The following ARMC5 variants were observed in gnomAD, a reference collection of about 807,000 sequenced individuals.
ARMC5 encodes the protein armadillo repeat-containing protein 5.
A neutral mutation model predicts 60.5 loss-of-function variants in ARMC5; 28 were observed. That is an observed-to-expected ratio of 0.46 (90% CI 0.34 to 0.63). The LOEUF (loss-of-function observed/expected upper bound fraction) is 0.63. Ranked by LOEUF, ARMC5 falls within the 30% of genes least tolerant of loss-of-function variation. The pLI is 0.01. For missense variants in ARMC5, 1,189 were observed against 1,304.9 expected, an observed-to-expected ratio of 0.91 and a Z score of 1.37; for synonymous variants, 680 against 607.3, an observed-to-expected ratio of 1.12 and a Z score of -1.76.
intron 1 of ARMC5, 35 bp downstream of exon 1, chr16:31,460,034 G>A (rs1255373117): frequency 6.3e-7 from 1 of 1,590,514 alleles, no homozygotes; most frequent in African/African-American, 1.3e-5. Context: ...AGAAAGATTA[G>A]GTTTGCAACT....
rs373384698 is a variant in ARMC5 at position 31,466,224 on chromosome 16, A to C, written c.2143A>C (p.Thr715Pro). The change falls in exon 6 of 6, where the codon ACT (threonine) becomes CCT (proline). Residue 715 changes from threonine to proline, a missense_variant. Coordinates refer to ENST00000268314, the MANE Select transcript of ARMC5 (RefSeq NM_001105247.2). The surrounding 1 kb of genome is among the most constrained non-coding windows in gnomAD (Gnocchi z 8.0). ...CTGCCTCCAAGACCTGGTGTCTCCC[A>C]CTGTGAGCCCAGCTGTCCCACAGGC... ...LSCLQDLVSP[T>P]VSPAVPQAVP... The C allele has an allele frequency of 4.1e-5, 66 of 1,612,982 alleles. No homozygotes were observed. Among genetic ancestry groups the C allele is most frequent in the Non-Finnish European group, 5.6e-5 (66 of 1,179,712 alleles).
Position 31,459,579 on chromosome 16 carries a change from C to G in ARMC5, c.55C>G (p.Leu19Val). 6.2e-7 allele frequency: 1 copy of G among 1,604,210 alleles called. No homozygotes were observed. The highest frequency in any genetic ancestry group is 1.1e-5 in the South Asian group (1 of 90,676). The part of the protein sequence containing the change: ...TDSLSFCLAQ[L>V]AAAAGEALGG... ...CTCGCTCTCGTTCTGCCTCGCGCAG[C>G]TCGCGGCGGCGGCCGGGGAGGCTCT... The change falls in exon 1 of 6, where the codon CTC becomes GTC. Residue 19 changes from leucine to valine, a missense_variant. By Grantham distance (32) the Leu-to-Val change is conservative. Transcript: ENST00000268314.
rs768328082 is a variant in ARMC5, at chr16:31,465,889, C to T, written c.1904C>T (p.Ser635Leu). Residue 635 changes from serine (S) to leucine (L), a missense_variant, in exon 5 of 6, where the codon TCG becomes TTG. Physicochemically the swap from Ser to Leu is moderately radical, Grantham distance 145. Coordinates refer to ENST00000268314, the MANE Select transcript of ARMC5 (RefSeq NM_001105247.2). ...CAGAACCTGACGGTTCAGGCTGAGT[C>T]GCCCTTTGGGGTTGGGGCCCTGACG... Reference protein sequence around the residue: ...LLQNLTVQAESPFGVGALTHL... With the variant: ...LLQNLTVQAELPFGVGALTHL... 8 of 1,609,566 alleles carry T rather than the reference C, an allele frequency of 5.0e-6. No individual in the cohort carries two copies. The highest frequency in any genetic ancestry group is 5.9e-6 in the Non-Finnish European group (7 of 1,179,846).
chr16:31,458,605 G>A, upstream of ARMC5: 1 of 1,454,936 alleles, frequency 6.9e-7, no homozygotes, highest in Non-Finnish European at 9.2e-7. Context: ...GGGGCTTGTA[G>A]ACGGTTGCTC....
At position 31,459,565 on chromosome 16, in the gene ARMC5, T is replaced by A. The variant is rs151069962; in HGVS notation, c.41T>A (p.Phe14Tyr). ...AKPTLTDSLS[F>Y]CLAQLAAAAG... Reference sequence around the variant, plus strand: ...CCAACCCTCACGGACTCGCTCTCGTTCTGCCTCGCGCAGCTCGCGGCGGCG... The same window carrying A: ...CCAACCCTCACGGACTCGCTCTCGTACTGCCTCGCGCAGCTCGCGGCGGCG... Residue 14 changes from phenylalanine (F) to tyrosine (Y), a missense_variant, in exon 1 of 6, where the codon TTC (phenylalanine) becomes TAC (tyrosine). Phe to Tyr is a conservative substitution (Grantham distance 22, BLOSUM62 3). This residue lies in a region of ARMC5 where 327 missense variants were observed against 233.7 expected (regional missense o/e 1.40). Coordinates refer to ENST00000268314, the MANE Select transcript of ARMC5 (RefSeq NM_001105247.2). 92,682 of 1,605,590 alleles carry A rather than the reference T, an allele frequency of 0.058. 2,984 individuals carry two copies. The highest frequency in any genetic ancestry group is 0.065 in the Non-Finnish European group (76,422 of 1,179,312).
Position 31,465,521 on chromosome 16 carries a change from T to TATA in ARMC5, c.1865-327_1865-326insAAT, listed in dbSNP as rs574579447. 7.0e-3 allele frequency: 5,998 copies of TATA among 851,732 alleles called. 303 individuals carry two copies. In the African/African-American group the frequency reaches 0.097, roughly 14 times the overall value. 52.8% of individuals were successfully genotyped at this position (851,732 alleles called of 1,614,324 possible). On this transcript the variant is annotated intron_variant, in intron 4 of 5. Coordinates refer to ENST00000268314, the MANE Select transcript of ARMC5 (RefSeq NM_001105247.2). The stretch of plus-strand genomic sequence containing the variant: ...AAACTAATGATTAATGATATTCATA[T>TATA]ATCTCTAAGATCTATATCTGGTATA...
In ARMC5 at chr16:31,466,016, G is replaced by A. The variant is rs1373709213; in HGVS notation, c.1997+34G>A. ...GAAGTGGGTGCCTTGCGGGGTTGGGGGAGGAGTGCTGTGTTTCCCAGGCCC... is the reference window on the plus strand; with the variant it reads ...GAAGTGGGTGCCTTGCGGGGTTGGGAGAGGAGTGCTGTGTTTCCCAGGCCC... On this transcript the variant is annotated intron_variant, in intron 5 of 5. Coordinates refer to ENST00000268314, the MANE Select transcript of ARMC5 (RefSeq NM_001105247.2). This position sits in a 1 kb window ranked among gnomAD's most constrained non-coding sequence, Gnocchi z 8.0. 3.1e-6 allele frequency: 5 copies of A among 1,596,430 alleles called. No individual in the cohort carries two copies. The highest frequency in any genetic ancestry group is 3.4e-6 in the Non-Finnish European group (4 of 1,176,902).
chr16:31,466,305 C>G lies in ARMC5; in HGVS notation c.2224C>G (p.Pro742Ala). 7 of 1,613,850 alleles carry G rather than the reference C, an allele frequency of 4.3e-6. No homozygotes were observed. The highest frequency in any genetic ancestry group is 5.1e-6 in the Non-Finnish European group (6 of 1,179,882). ...TTGCCTCTATGAACCTCTGCTGGGC[C>G]CAGCCCCTGTCCCAGCTCCCGACCT... ...SPCLYEPLLG[P>A]APVPAPDLHF... is the part of the protein sequence containing the mutation. Residue 742 changes from proline to alanine, a missense_variant, in exon 6 of 6, where the codon CCA becomes GCA. By Grantham distance (27) the Pro-to-Ala change is conservative (BLOSUM62 -1). Coordinates refer to ENST00000268314, the MANE Select transcript of ARMC5 (RefSeq NM_001105247.2). This position sits in a 1 kb window ranked among gnomAD's most constrained non-coding sequence, Gnocchi z 8.0.
chr16:31,458,353 G>A (rs745852187), upstream of ARMC5: 3 of 1,513,124 alleles, frequency 2.0e-6, no homozygotes, highest in African/African-American at 2.8e-5. Flanking sequence ...TGGAGCTGAC[G>A]CTGAAAGTCT....
At position 31,462,741 on chromosome 16, in the gene ARMC5, G is replaced by A. The variant is rs757064843; in HGVS notation, c.1194G>A (p.Leu398=). 2.5e-6 allele frequency: 4 copies of A among 1,613,812 alleles called. No homozygotes were observed. The highest frequency in any genetic ancestry group is 2.7e-5 in the African/African-American group (2 of 75,058). ...PRIVAALVGF[L]YDTGALGRLQ... ...TTGTGGCTGCCCTTGTGGGGTTTCT[G>A]TATGACACTGGGGCCCTGGGCCGGC... The change falls in exon 3 of 6, where the codon CTG becomes CTA. Residue 398 remains leucine, a synonymous_variant. Transcript: ENST00000268314. The surrounding 1 kb of genome is among the most constrained non-coding windows in gnomAD (Gnocchi z 7.2).
In ARMC5 at chr16:31,466,538, C is replaced by T. The variant is rs367810854; in HGVS notation, c.2457C>T (p.Pro819=). The T allele has an allele frequency of 2.9e-3, 4,697 of 1,607,990 alleles. 160 individuals carry two copies. The South Asian group carries it at 0.048, about 16-fold the overall frequency. The change falls in exon 6 of 6, where the codon CCC becomes CCT. Residue 819 remains proline (P), a synonymous_variant. Coordinates refer to ENST00000268314, the MANE Select transcript of ARMC5 (RefSeq NM_001105247.2). The surrounding 1 kb of genome is among the most constrained non-coding windows in gnomAD (Gnocchi z 8.0). ...GCRGCGAALG[P]VPPPGQPLLG... is the part of the protein sequence containing the mutation. ...GGGGGTGTGGGGCTGCCCTGGGGCC[C>T]GTGCCCCCACCAGGCCAGCCCCTGC... is the stretch of plus-strand genomic sequence containing the variant.
chr16:31,460,116 C>A lies in ARMC5; in HGVS notation c.475+117C>A, dbSNP rs2082291707. 2.7e-6 allele frequency: 3 copies of A among 1,119,054 alleles called. No homozygotes were observed. The East Asian group carries it at 7.5e-5, about 28-fold the overall frequency. 69.3% of individuals were successfully genotyped at this position (1,119,054 alleles called of 1,614,324 possible). On this transcript the variant is annotated intron_variant, in intron 1 of 5. Transcript: ENST00000268314. Reference sequence around the variant, plus strand: ...CCCGGAATAACGTGCTTTGTGATGGCGCATCGCTCCTGTTTCTCAATCTGT... The same window carrying A: ...CCCGGAATAACGTGCTTTGTGATGGAGCATCGCTCCTGTTTCTCAATCTGT...
chr16:31,458,650 C>T (rs1399551445), upstream of ARMC5: 5 of 1,435,956 alleles, frequency 3.5e-6, no homozygotes, highest in East Asian at 2.5e-5. Context: ...GGGCTAGAGC[C>T]TGACCATTTT....
At position 31,466,466 on chromosome 16, in the gene ARMC5, G is replaced by A. The variant is rs749992373; in HGVS notation, c.2385G>A (p.Leu795=). 6.2e-7 allele frequency: 1 copy of A among 1,611,498 alleles called. No individual in the cohort carries two copies. The highest frequency in any genetic ancestry group is 8.5e-7 in the Non-Finnish European group (1 of 1,179,838). ...AQMDLVPLRG[L]SPGAAWPVLH... The stretch of plus-strand genomic sequence containing the variant: ...TGGACCTGGTGCCCCTGCGAGGTCT[G>A]TCGCCTGGTGCAGCCTGGCCTGTCC... The change falls in exon 6 of 6, where the codon CTG becomes CTA. Residue 795 remains leucine (L), a synonymous_variant. Transcript: ENST00000268314. This position sits in a 1 kb window ranked among gnomAD's most constrained non-coding sequence, Gnocchi z 8.0.
chr16:31,459,916 T>G lies in ARMC5; in HGVS notation c.392T>G (p.Leu131Trp), dbSNP rs777675096. Residue 131 changes from leucine to tryptophan, a missense_variant, in exon 1 of 6, where the codon TTG becomes TGG. By Grantham distance (61) the Leu-to-Trp change is moderately conservative. Around this residue, in one of 2 missense-constraint regions of ARMC5, gnomAD observed 327 missense variants for 233.7 expected, o/e 1.40. Coordinates refer to ENST00000268314, the MANE Select transcript of ARMC5 (RefSeq NM_001105247.2). ...PPVRLRKTLD[L>W]ALSILADCCT... is the part of the protein sequence containing the mutation. The stretch of plus-strand genomic sequence containing the variant: ...GTGCGCCTGCGCAAGACGCTGGACT[T>G]GGCGCTCAGCATCCTAGCCGATTGC... The G allele has an allele frequency of 8.1e-6, 13 of 1,606,202 alleles. No individual in the cohort carries two copies. The East Asian group carries it at 2.7e-4, about 33-fold the overall frequency.
chr16:31,459,037 G>A, upstream of ARMC5: 1 of 1,523,540 alleles, frequency 6.6e-7, no homozygotes. Flanking sequence ...GGCGCGGTCA[G>A]GACCCCGCAC....
At chr16:31,460,748 C>G (rs1246168171) in intron 1 of ARMC5, among the ~76,000 whole-genome samples, 4 of 152,092 alleles carry the variant, frequency 2.6e-5, no homozygotes, top group African/African-American at 9.7e-5. Flanking sequence ...TCTTAGAAAA[C>G]CAAACAAATC....
Position 31,464,459 on chromosome 16 carries a change from A to C in ARMC5, c.1436A>C (p.Glu479Ala). The C allele has an allele frequency of 6.3e-7, 1 of 1,598,148 alleles. No homozygotes were observed. Among genetic ancestry groups the C allele is most frequent in the African/African-American group, 1.3e-5 (1 of 74,146 alleles). The change falls in exon 4 of 6, where the codon GAG (glutamate) becomes GCG (alanine). Residue 479 changes from glutamate (E) to alanine (A), a missense_variant. Glu to Ala is a moderately radical substitution (Grantham distance 107). Transcript: ENST00000268314. The surrounding 1 kb of genome is among the most constrained non-coding windows in gnomAD (Gnocchi z 7.6). ...PDDISPDWSP[E>A]QCPPEPMEPA... ...GACATCTCCCCCGACTGGTCTCCTG[A>C]GCAGTGTCCGCCGGAGCCCATGGAG...
chr16:31,462,181 T>C lies in ARMC5; in HGVS notation c.634T>C (p.Cys212Arg), dbSNP rs1334998374. 8 of 1,612,766 alleles carry C rather than the reference T, an allele frequency of 5.0e-6. No homozygotes were observed. Among genetic ancestry groups the C allele is most frequent in the Non-Finnish European group, 6.8e-6 (8 of 1,179,984 alleles). The change falls in exon 3 of 6, where the codon TGC becomes CGC. Residue 212 changes from cysteine to arginine, a missense_variant. Cys to Arg is a radical substitution (Grantham distance 180). Coordinates refer to ENST00000268314, the MANE Select transcript of ARMC5 (RefSeq NM_001105247.2). This position sits in a 1 kb window ranked among gnomAD's most constrained non-coding sequence, Gnocchi z 7.2. Reference sequence around the variant, plus strand: ...CCTGACAGCCTGCCAGGACTCGCAGTGCCTACAGAGCGTGGTGCGTGCCCT... The same window carrying C: ...CCTGACAGCCTGCCAGGACTCGCAGCGCCTACAGAGCGTGGTGCGTGCCCT... ...ESLTACQDSQ[C>R]LQSVVRALRN...
Sources: gnomAD v4.1 joint callset for allele counts (sites outside exome capture counted in the v4.1 genomes callset) on GRCh38, gnomAD v4.1.1 for gene constraint, gnomAD v4.1.1 regional missense constraint, Gnocchi (gnomAD v3.1) non-coding constraint, MANE v1.5 for transcripts, NCBI Gene and HGNC (gene_info 2026-07-23, HGNC 2026-07-21) for gene names.